CRCP: variants seen among roughly 807,000 people sequenced by gnomAD.
The protein encoded by CRCP is DNA-directed RNA polymerase III subunit RPC9.
In CRCP, 18 loss-of-function variants were observed where a neutral mutation model predicts 18.5. The observed-to-expected ratio is 0.97, with a 90% CI of 0.67 to 1.44. The LOEUF (loss-of-function observed/expected upper bound fraction) is 1.44, where lower values mean the gene tolerates loss of function less well. Ranked by LOEUF, CRCP falls within the 40% of genes most tolerant of loss-of-function variation. The probability of loss-of-function intolerance (pLI) is 0.00; values close to 1 mark genes in which losing one functional copy is unlikely to be tolerated. For missense variants in CRCP, 130 were observed against 176.4 expected, an observed-to-expected ratio of 0.74 and a Z score of 1.49; for synonymous variants, 53 against 62.9, an observed-to-expected ratio of 0.84 and a Z score of 0.75.
intron 2 of CRCP, among the ~76,000 whole-genome samples, chr7:66,129,260 G>T (rs535639270): frequency 1.3e-5 from 2 of 152,178 alleles, no homozygotes; most frequent in African/African-American, 4.8e-5. Flanking sequence ...GTGAACCCGG[G>T]GGGTGGAGCC....
At chr7:66,131,301 A>G (rs73136380) in intron 3 of CRCP, among the ~76,000 whole-genome samples, 2,210 of 152,218 alleles carry the variant, frequency 0.015, 20 homozygotes, top group Non-Finnish European at 0.021. Flanking sequence ...TATTCTGTTT[A>G]TAGAAGTGAG....
At chr7:66,127,653 C>G in intron 1 of CRCP, 51 bp from the exon 2 acceptor site, 1 of 1,601,848 alleles carries the variant, frequency 6.2e-7, no homozygotes, top group Non-Finnish European at 8.5e-7. Flanking sequence ...AATTTGATAC[C>G]CAGAAAGGGG....
At chr7:66,149,953 C>T (rs1404204709) in intron 5 of CRCP, among the ~76,000 whole-genome samples, 1 of 152,016 alleles carries the variant, frequency 6.6e-6, no homozygotes, top group Non-Finnish European at 1.5e-5. Flanking sequence ...ACTACAGGCG[C>T]ACGCTGCCAC....
intron 5 of CRCP, among the ~76,000 whole-genome samples, chr7:66,151,129 C>T (rs923060967): frequency 2.6e-5 from 4 of 152,174 alleles, no homozygotes; most frequent in Non-Finnish European, 5.9e-5. Context: ...AAGGAAATGC[C>T]GGATGGGAAG....
At chr7:66,133,492 C>T (rs961597452) in intron 3 of CRCP, among the ~76,000 whole-genome samples, 5 of 147,734 alleles carry the variant, frequency 3.4e-5, no homozygotes, top group Admixed American at 2.1e-4. Flanking sequence ...TGCAGTGAGC[C>T]GAGATCGTGC....
chr7:66,150,354 G>GAAACTCTGTCCCAAAAAAAAAA (rs57066308), intron 5 of CRCP, among the ~76,000 whole-genome samples: 2 of 146,586 alleles, frequency 1.4e-5, no homozygotes, highest in Non-Finnish European at 3.0e-5. Context: ...CAACAAGAGT[G>GAAACTCTGTCCCAAAAAAAAAA]AAGGGGGGGA....
chr7:66,144,136 C>G (rs189828196), intron 4 of CRCP, among the ~76,000 whole-genome samples: 1 of 148,672 alleles, frequency 6.7e-6, no homozygotes, highest in East Asian at 2.0e-4. Flanking sequence ...CAGGGGTGGT[C>G]ACTGCAGTCA....
At chr7:66,136,508 G>A (rs1385075891) in intron 4 of CRCP, among the ~76,000 whole-genome samples, 5 of 152,072 alleles carry the variant, frequency 3.3e-5, no homozygotes, top group Non-Finnish European at 7.4e-5. Flanking sequence ...GGGATTACAG[G>A]TGTGAGTCAC....
intron 4 of CRCP, among the ~76,000 whole-genome samples, chr7:66,134,661 G>A (rs114828748): frequency 0.013 from 2,033 of 151,886 alleles, 58 homozygotes; most frequent in African/African-American, 0.046. Flanking sequence ...CAAAAAAGAC[G>A]GGTGAGGGGA....
At chr7:66,123,200 C>T (rs944686781) in intron 1 of CRCP, among the ~76,000 whole-genome samples, 1 of 152,008 alleles carries the variant, frequency 6.6e-6, no homozygotes, top group African/African-American at 2.4e-5. Context: ...GTGATGCGCC[C>T]GACTTGGCCT....
chr7:66,132,477 TCCC>T (rs1787837348), intron 3 of CRCP, among the ~76,000 whole-genome samples: 1 of 152,180 alleles, frequency 6.6e-6, no homozygotes, highest in African/African-American at 2.4e-5. Context: ...AGAGGTAATC[TCCC>T]CTTCTCGTGT....
At chr7:66,136,083 T>C (rs551288708) in intron 4 of CRCP, among the ~76,000 whole-genome samples, 4 of 152,226 alleles carry the variant, frequency 2.6e-5, no homozygotes, top group Non-Finnish European at 4.4e-5. Context: ...TGTGTTTGCT[T>C]GAGGCAAAAG....
At chr7:66,129,010 G>C (rs577695304) in intron 2 of CRCP, among the ~76,000 whole-genome samples, 13 of 152,140 alleles carry the variant, frequency 8.5e-5, no homozygotes, top group Admixed American at 2.6e-4. Flanking sequence ...CTCAGCCTGG[G>C]AAACCTAGCA....
At chr7:66,132,533 G>A (rs534096802) in intron 3 of CRCP, among the ~76,000 whole-genome samples, 1 of 152,250 alleles carries the variant, frequency 6.6e-6, no homozygotes, top group South Asian at 2.1e-4. Context: ...TCTTATGGGT[G>A]ATGTTGTTAA....
intron 4 of CRCP, among the ~76,000 whole-genome samples, chr7:66,135,878 G>A (rs368297826): frequency 7.3e-5 from 11 of 151,218 alleles, no homozygotes; most frequent in Admixed American, 2.0e-4. Context: ...CCAAGATCGC[G>A]CCCTTGCGCT....
rs190891226 is a variant in CRCP at position 66,121,961 on chromosome 7, G to A, written c.9-5743G>A. 1.4e-3 allele frequency among the ~76,000 whole-genome samples: 216 copies of A among 152,302 alleles called. 1 individual carries two copies. The highest frequency in any genetic ancestry group is 5.1e-3 in the African/African-American group (212 of 41,570). ...GTTCATTGACTTCAGAAGCTGCTCC[G>A]TTTGCTTGTACCAGAGTTTAGGTTT... On this transcript the variant is annotated intron_variant, in intron 1 of 5. Transcript: ENST00000395326.
At chr7:66,142,643 A>C (rs1191773281) in intron 4 of CRCP, among the ~76,000 whole-genome samples, 1 of 152,146 alleles carries the variant, frequency 6.6e-6, no homozygotes, top group Non-Finnish European at 1.5e-5. Context: ...GGTGTATGCC[A>C]CCATGCTTGG....
chr7:66,123,036 G>C (rs923193380), intron 1 of CRCP, among the ~76,000 whole-genome samples: 154 of 149,842 alleles, frequency 1.0e-3, no homozygotes, highest in African/African-American at 3.6e-3. Context: ...CACACTGTAA[G>C]CTCCGCCTCC....
intron 4 of CRCP, among the ~76,000 whole-genome samples, chr7:66,135,270 G>A (rs1208177740): frequency 1.3e-5 from 2 of 152,182 alleles, no homozygotes; most frequent in Non-Finnish European, 2.9e-5. Flanking sequence ...TACTAATTTA[G>A]AAACACAAGT....
Sources: gnomAD v4.1 joint callset for allele counts (sites outside exome capture counted in the v4.1 genomes callset) on GRCh38, gnomAD v4.1.1 for gene constraint, MANE v1.5 for transcripts, NCBI Gene and HGNC (gene_info 2026-07-23, HGNC 2026-07-21) for gene names.